FAM120C: variants seen among roughly 807,000 people sequenced by gnomAD.
FAM120C encodes constitutive coactivator of PPAR-gamma-like protein 2.
FAM120C carries 14 observed loss-of-function variants against 71.2 expected under a neutral mutation model. The ratio of observed to expected loss-of-function variants is 0.20; its 90% CI spans 0.13 to 0.31. The LOEUF is 0.31. Ranked by LOEUF, FAM120C falls within the 10% of genes least tolerant of loss-of-function variation. FAM120C has a pLI of 1.00. For missense variants in FAM120C, 500 were observed against 879.0 expected (o/e 0.57, Z 5.45); for synonymous variants, 354 against 353.2 (o/e 1.00, Z -0.03).
intron 3 of FAM120C, among the ~76,000 whole-genome samples, chrX:54,156,369 C>A (rs2067209665): frequency 1.2e-5 from 1 of 80,392 alleles, no homozygotes; most frequent in Admixed American, 1.8e-4. Flanking sequence ...GTCACCCAGG[C>A]TAGACTGCAG....
rs782155357 is a variant in FAM120C, at chrX:54,173,827, G to A, written c.699+8673C>T. 9 of 253,163 alleles carry A rather than the reference G, an allele frequency of 3.6e-5. No individual in the cohort carries two copies. The Admixed American group carries it at 5.9e-4, about 17-fold the overall frequency. The allele number at this position is 253,163 out of a possible 1,213,427, so 20.9% of individuals were successfully genotyped here. ...TTATCTATTTCTGTGTAACAAAGTA[G>A]CCCCCAAACTTAGTGGCTTAAAACA... On this transcript the variant is annotated intron_variant, in intron 1 of 15. Coordinates refer to ENST00000375180, the MANE Select transcript of FAM120C (RefSeq NM_017848.6).
chrX:54,133,171 T>A (rs963459152), intron 8 of FAM120C, among the ~76,000 whole-genome samples: 1 of 111,449 alleles, frequency 9.0e-6, no homozygotes, highest in African/African-American at 3.3e-5. Flanking sequence ...AAACCCCGTT[T>A]CTACTAAAAA....
Position 54,134,910 on chromosome X carries a change from T to C in FAM120C, c.1537A>G (p.Lys513Glu), listed in dbSNP as rs184379110. ...TCTGGTCCCAAAGGAGGTGAGGCTT[T>C]AGAAGGCAGGTAATTGGGAAACTGG... The part of the protein sequence containing the change: ...ASQFPNYLPS[K>E]ASPPLGPDSS... The change falls in exon 7 of 16, where the codon AAA becomes GAA. Residue 513 changes from lysine to glutamate, a missense_variant. Physicochemically the swap from Lys to Glu is moderately conservative, Grantham distance 56 (BLOSUM62 1). Coordinates refer to ENST00000375180, the MANE Select transcript of FAM120C (RefSeq NM_017848.6). The C allele has an allele frequency of 3.3e-6, 4 of 1,209,468 alleles. No individual in the cohort carries two copies. The highest frequency in any genetic ancestry group is 4.4e-5 in the Admixed American group (2 of 45,584).
At position 54,070,318 on chromosome X, in the gene FAM120C, GA is replaced by G. The variant is rs1557119940; in HGVS notation, c.*2714del. Reference sequence around the variant, plus strand: ...GGGGAAAAAGAGGTTGTGGAAGGAAGAAAAGCCGTTTGGCAAACTGGAATCA... The same window carrying G: ...GGGGAAAAAGAGGTTGTGGAAGGAAGAAAGCCGTTTGGCAAACTGGAATCA... On this transcript the variant is annotated 3_prime_UTR_variant, in exon 16 of 16. Transcript: ENST00000375180. 1 of 111,859 alleles carries G rather than the reference GA, an allele frequency of 8.9e-6. No individual in the cohort carries two copies. Among genetic ancestry groups the G allele is most frequent in the Non-Finnish European group, 1.9e-5 (1 of 53,172 alleles). 9.2% of individuals were successfully genotyped at this position (111,859 alleles called of 1,213,427 possible). A position where few individuals can be genotyped will look rare whatever the true frequency, so the allele number is the denominator to read the frequency against.
Position 54,073,112 on chromosome X carries a change from T to C in FAM120C, c.3212A>G (p.Tyr1071Cys), listed in dbSNP as rs2066718181. 8.3e-7 allele frequency: 1 copy of C among 1,208,678 alleles called. No individual in the cohort carries two copies. Among genetic ancestry groups the C allele is most frequent in the African/African-American group, 1.8e-5 (1 of 57,090 alleles). Residue 1071 changes from tyrosine (Y) to cysteine (C), a missense_variant, in exon 16 of 16, where the codon TAC (tyrosine) becomes TGC (cysteine). By Grantham distance (194) the Tyr-to-Cys change is radical. Around this residue, in one of 11 missense-constraint regions of FAM120C, gnomAD observed 85 missense variants for 96.1 expected, o/e 0.88. Coordinates refer to ENST00000375180, the MANE Select transcript of FAM120C (RefSeq NM_017848.6). ...DSNECNNGNR[Y>C]LPMNNREKNH... ...CTTCTCCCTATTATTCATAGGGAGG[T>C]AGCGGTTACCATTATTACACTCATT...
Position 54,133,989 on chromosome X carries a change from T to G in FAM120C, c.1674A>C (p.Arg558Ser). The change falls in exon 8 of 16, where the codon AGA (arginine) becomes AGC (serine). Residue 558 changes from arginine to serine, a missense_variant. By Grantham distance (110) the Arg-to-Ser change is moderately radical. This residue lies in a region of FAM120C where 85 missense variants were observed against 84.9 expected (regional missense o/e 1.00). Coordinates refer to ENST00000375180, the MANE Select transcript of FAM120C (RefSeq NM_017848.6). ...TATCAACAGGCTGTGCCCAGGACCC[T>G]CTGTCACGATTGGGATTTCCCCACT... ...QPEWGNPNRD[R>S]GSWAQPVDTG... The G allele has an allele frequency of 8.3e-7, 1 of 1,211,300 alleles. No homozygotes were observed. The highest frequency in any genetic ancestry group is 1.8e-5 in the South Asian group (1 of 56,863).
chrX:54,087,996 A>G, intron 11 of FAM120C, 32 bp from the exon 12 acceptor site: 1 of 1,082,654 alleles, frequency 9.2e-7, no homozygotes, highest in South Asian at 2.0e-5. Context: ...TATTACTATT[A>G]AGAAACTACT....
intron 10 of FAM120C, among the ~76,000 whole-genome samples, chrX:54,098,809 C>T (rs1300507986): frequency 9.1e-6 from 1 of 109,560 alleles, no homozygotes; most frequent in African/African-American, 3.3e-5. Context: ...TTAGTAGAGA[C>T]AGGGTTTCAC....
chrX:54,155,766 G>C (rs1223397966), intron 3 of FAM120C, among the ~76,000 whole-genome samples: 2 of 111,135 alleles, frequency 1.8e-5, no homozygotes, highest in East Asian at 5.6e-4. Flanking sequence ...GGAGAAAAAG[G>C]GGGAGAATTG....
intron 4 of FAM120C, among the ~76,000 whole-genome samples, chrX:54,137,728 CAT>C (rs2067101850): frequency 9.0e-6 from 1 of 111,435 alleles, no homozygotes; most frequent in Non-Finnish European, 1.9e-5. Flanking sequence ...GGCACTTAAA[CAT>C]ATATAAAACC....
At chrX:54,145,178 T>A (rs1208709965) in intron 4 of FAM120C, among the ~76,000 whole-genome samples, 1 of 112,161 alleles carries the variant, frequency 8.9e-6, no homozygotes, top group Non-Finnish European at 1.9e-5. Flanking sequence ...AGATGGATTA[T>A]ACACTTAAAT....
At chrX:54,129,060 G>A (rs1465732451) in intron 9 of FAM120C, among the ~76,000 whole-genome samples, 2 of 106,401 alleles carry the variant, frequency 1.9e-5, no homozygotes, top group African/African-American at 3.4e-5. Flanking sequence ...GGGCAGAGGC[G>A]CCCCCAACCT....
At chrX:54,140,066 G>A (rs1212231537) in intron 4 of FAM120C, among the ~76,000 whole-genome samples, 1 of 110,296 alleles carries the variant, frequency 9.1e-6, no homozygotes, top group Non-Finnish European at 1.9e-5. Context: ...GGCCGAGGCG[G>A]GCGGATCACT....
chrX:54,134,015 C>T lies in FAM120C; in HGVS notation c.1648G>A (p.Glu550Lys). Residue 550 changes from glutamate to lysine, a missense_variant, in exon 8 of 16, where the codon GAG becomes AAG. Physicochemically the swap from Glu to Lys is moderately conservative, Grantham distance 56. Around this residue, in one of 11 missense-constraint regions of FAM120C, gnomAD observed 85 missense variants for 84.9 expected, o/e 1.00. Coordinates refer to ENST00000375180, the MANE Select transcript of FAM120C (RefSeq NM_017848.6). ...HITEAFHHQP[E>K]WGNPNRDRGS... ...CTGTCACGATTGGGATTTCCCCACT[C>T]AGGCTGGTGATGAAATGCTTCTGTG... The T allele has an allele frequency of 8.3e-7, 1 of 1,210,973 alleles. No individual in the cohort carries two copies. The highest frequency in any genetic ancestry group is 1.1e-6 in the Non-Finnish European group (1 of 895,270).
intron 3 of FAM120C, among the ~76,000 whole-genome samples, chrX:54,156,974 G>C (rs2067213130): frequency 9.2e-6 from 1 of 109,227 alleles, no homozygotes; most frequent in Non-Finnish European, 1.9e-5. Context: ...GAACCCAGGA[G>C]GTGGAGGTTG....
Position 54,183,049 on chromosome X carries a change from C to A in FAM120C, c.150G>T (p.Ala50=), listed in dbSNP as rs1557137840. ...HRQLPPTAAL[A]PGAPRAARGS... ...CCCTGGCGGCGCGTGGAGCCCCGGGCGCTAGGGCTGCAGTCGGCGGCAGCT... is the reference window on the plus strand; with the variant it reads ...CCCTGGCGGCGCGTGGAGCCCCGGGAGCTAGGGCTGCAGTCGGCGGCAGCT... The change falls in exon 1 of 16, where the codon GCG becomes GCT. Residue 50 remains alanine, a synonymous_variant. Coordinates refer to ENST00000375180, the MANE Select transcript of FAM120C (RefSeq NM_017848.6). 2.6e-6 allele frequency: 3 copies of A among 1,157,342 alleles called. No individual in the cohort carries two copies. The highest frequency in any genetic ancestry group is 2.3e-6 in the Non-Finnish European group (2 of 871,550).
intron 10 of FAM120C, among the ~76,000 whole-genome samples, chrX:54,100,534 A>G (rs2146575548): frequency 9.1e-6 from 1 of 109,418 alleles, no homozygotes; most frequent in East Asian, 2.9e-4. Context: ...TTAGCTGGCC[A>G]TGGTGGTTAA....
chrX:54,106,460 G>A (rs1312690266), intron 10 of FAM120C, among the ~76,000 whole-genome samples: 2 of 111,827 alleles, frequency 1.8e-5, no homozygotes, highest in Admixed American at 1.9e-4. Context: ...AAAAACCCTA[G>A]AAGAAAACCT....
intron 10 of FAM120C, among the ~76,000 whole-genome samples, chrX:54,112,477 G>A (rs1363687591): frequency 1.8e-5 from 2 of 110,301 alleles, no homozygotes; most frequent in South Asian, 3.9e-4. Context: ...AGGCTGAGAC[G>A]GGCGGATCAC....
Sources: gnomAD v4.1 joint callset for allele counts (sites outside exome capture counted in the v4.1 genomes callset) on GRCh38, gnomAD v4.1.1 for gene constraint, gnomAD v4.1.1 regional missense constraint, MANE v1.5 for transcripts, NCBI Gene and HGNC (gene_info 2026-07-23, HGNC 2026-07-21) for gene names.